KCNJ6: variants seen among roughly 807,000 people sequenced by gnomAD.
The protein encoded by KCNJ6 is G protein-activated inward rectifier potassium channel 2.
KCNJ6 carries 9 observed loss-of-function variants against 34.2 expected under a neutral mutation model. The observed-to-expected ratio is 0.26, with a 90% confidence interval of 0.16 to 0.46. The LOEUF is 0.46. KCNJ6 is among the 20% of genes least tolerant of loss of function. The probability of loss-of-function intolerance (pLI) is 1.00; values close to 1 mark genes in which losing one functional copy is unlikely to be tolerated. For missense variants in KCNJ6, 236 were observed against 531.3 expected (o/e 0.44, Z 5.46); for synonymous variants, 196 against 207.1 (o/e 0.95, Z 0.46).
intron 3 of KCNJ6, among the ~76,000 whole-genome samples, chr21:37,642,333 A>G (rs1183005076): frequency 3.9e-5 from 6 of 152,282 alleles, no homozygotes. Flanking sequence ...AGGATGTTGA[A>G]AGAGAGAGGC....
chr21:37,720,644 T>C (rs2054820352), intron 2 of KCNJ6, among the ~76,000 whole-genome samples: 1 of 151,994 alleles, frequency 6.6e-6, no homozygotes, highest in Admixed American at 6.5e-5. Context: ...AGAAGTGTGG[T>C]TTCTTCCTCA....
At chr21:37,782,438 C>T (rs2835955) in intron 2 of KCNJ6, among the ~76,000 whole-genome samples, 75,420 of 151,878 alleles carry the variant, frequency 0.5, 19,023 homozygotes, top group East Asian at 0.67. Context: ...TGCTTACCAC[C>T]TGCAAACCTT....
chr21:37,708,159 A>G (rs1385846958), intron 3 of KCNJ6, among the ~76,000 whole-genome samples: 1 of 152,232 alleles, frequency 6.6e-6, no homozygotes. Flanking sequence ...GCCTTTTTCA[A>G]TCACAGTAAT....
chr21:37,730,059 G>A (rs2054876406), intron 2 of KCNJ6, among the ~76,000 whole-genome samples: 1 of 152,192 alleles, frequency 6.6e-6, no homozygotes, highest in Non-Finnish European at 1.5e-5. Flanking sequence ...AGCAGTGGCT[G>A]CTTCAGGCTA....
chr21:37,721,078 TAACAAA>T (rs963883156), intron 2 of KCNJ6, among the ~76,000 whole-genome samples: 1 of 152,086 alleles, frequency 6.6e-6, no homozygotes, highest in African/African-American at 2.4e-5. Context: ...TCTTACACCT[TAACAAA>T]AAATAAACAA....
At position 37,854,847 on chromosome 21, in the gene KCNJ6, G is replaced by C. The variant is rs117577175; in HGVS notation, c.-27-14138C>G. On this transcript the variant is annotated intron_variant, in intron 1 of 3. Transcript: ENST00000609713. ...CTAAATGTGTATGCAACAAACAACA[G>C]AGGTGCAAAATATGTGGAGCAAAAA... is the stretch of plus-strand genomic sequence containing the variant. 4.8e-3 allele frequency among the ~76,000 whole-genome samples: 727 copies of C among 152,298 alleles called. 4 individuals are homozygous for C. Among genetic ancestry groups the C allele is most frequent in the Non-Finnish European group, 7.7e-3 (526 of 68,026 alleles).
chr21:37,813,344 C>T (rs1182455332), intron 2 of KCNJ6, among the ~76,000 whole-genome samples: 1 of 152,140 alleles, frequency 6.6e-6, no homozygotes, highest in Non-Finnish European at 1.5e-5. Flanking sequence ...AAGCAATCTA[C>T]AGATTCAATG....
At position 37,619,202 on chromosome 21, in the gene KCNJ6, A is replaced by G. The variant is rs1272624099; in HGVS notation, c.*5957T>C. On this transcript the variant is annotated 3_prime_UTR_variant, in exon 4 of 4. Coordinates refer to ENST00000609713, the MANE Select transcript of KCNJ6 (RefSeq NM_002240.5). The stretch of plus-strand genomic sequence containing the variant: ...ACTTGATATGTTTTTCCATAGAACT[A>G]AAAAGATAAGGAACCTAGCTTGGCT... 3 of 152,194 alleles carry G rather than the reference A, an allele frequency of 2.0e-5. No homozygotes were observed. The East Asian group carries it at 5.8e-4, about 29-fold the overall frequency. The allele number at this position is 152,194 out of a possible 1,614,324, so 9.4% of individuals were successfully genotyped here. A position where few individuals can be genotyped will look rare whatever the true frequency, so the allele number is the denominator to read the frequency against.
At chr21:37,859,790 A>G (rs533914387) in intron 1 of KCNJ6, among the ~76,000 whole-genome samples, 1 of 152,168 alleles carries the variant, frequency 6.6e-6, no homozygotes, top group South Asian at 2.1e-4. Flanking sequence ...ATAAAAACAA[A>G]AGCCCAATTA....
chr21:37,674,987 G>C (rs1349135463), intron 3 of KCNJ6, among the ~76,000 whole-genome samples: 1 of 152,158 alleles, frequency 6.6e-6, no homozygotes, highest in Non-Finnish European at 1.5e-5. Flanking sequence ...GCTTTTCCCA[G>C]ACAGCCCACC....
intron 1 of KCNJ6, among the ~76,000 whole-genome samples, chr21:37,894,438 G>A (rs982589111): frequency 1.3e-5 from 2 of 152,134 alleles, no homozygotes; most frequent in African/African-American, 4.8e-5. Context: ...GCCGAGGCAG[G>A]TGAATCACAA....
intron 3 of KCNJ6, among the ~76,000 whole-genome samples, chr21:37,629,879 T>C (rs757972449): frequency 2.1e-4 from 32 of 150,846 alleles, no homozygotes; most frequent in Non-Finnish European, 2.8e-4. Context: ...TTTTCCAATT[T>C]TTATTCATTT....
At chr21:37,630,253 T>C (rs2054328423) in intron 3 of KCNJ6, among the ~76,000 whole-genome samples, 1 of 152,032 alleles carries the variant, frequency 6.6e-6, no homozygotes, top group African/African-American at 2.4e-5. Context: ...AGATGCTTCA[T>C]TTGGTGAAGA....
chr21:37,856,901 G>A (rs866818468), intron 1 of KCNJ6, among the ~76,000 whole-genome samples: 3 of 152,146 alleles, frequency 2.0e-5, no homozygotes, highest in Middle Eastern at 3.2e-3. Context: ...TCCAGTGTGT[G>A]ATGCTCTTGC....
At chr21:37,642,095 T>A (rs1229569146) in intron 3 of KCNJ6, among the ~76,000 whole-genome samples, 1 of 152,176 alleles carries the variant, frequency 6.6e-6, no homozygotes, top group Non-Finnish European at 1.5e-5. Context: ...CTTTGACACA[T>A]GCAAGAATAT....
intron 1 of KCNJ6, among the ~76,000 whole-genome samples, chr21:37,874,391 C>A (rs992265431): frequency 6.6e-6 from 1 of 152,174 alleles, no homozygotes; most frequent in Non-Finnish European, 1.5e-5. Context: ...ACCCAGTGGC[C>A]AGATTTATTA....
chr21:37,786,288 G>A (rs2055192194), intron 2 of KCNJ6, among the ~76,000 whole-genome samples: 1 of 152,216 alleles, frequency 6.6e-6, no homozygotes, highest in Non-Finnish European at 1.5e-5. Flanking sequence ...GGGGCAGAGG[G>A]TATTCTAGAA....
At chr21:37,721,710 A>C (rs879653128) in intron 2 of KCNJ6, among the ~76,000 whole-genome samples, 4 of 152,262 alleles carry the variant, frequency 2.6e-5, no homozygotes, top group Non-Finnish European at 5.9e-5. Context: ...ACAGGCTACA[A>C]CATGGCCTCA....
At chr21:37,758,701 C>T (rs566072271) in intron 2 of KCNJ6, among the ~76,000 whole-genome samples, 3 of 152,210 alleles carry the variant, frequency 2.0e-5, no homozygotes, top group African/African-American at 7.2e-5. Context: ...GCAGTGGTGC[C>T]GTGATAGCTC....
Sources: allele counts gnomAD v4.1 joint callset (sites outside exome capture counted in the v4.1 genomes callset), GRCh38; gene constraint gnomAD v4.1.1; transcripts MANE v1.5; gene names NCBI Gene and HGNC (gene_info 2026-07-23, HGNC 2026-07-21).